The following PCDHGC4 variants were observed in gnomAD, a reference collection of about 807,000 sequenced individuals.
PCDHGC4 encodes the protein protocadherin gamma subfamily C, 4.
Under a neutral mutation model 59.7 loss-of-function variants are expected in PCDHGC4, and 15 were observed. The observed-to-expected ratio is 0.25, with a 90% CI of 0.17 to 0.39. The LOEUF (loss-of-function observed/expected upper bound fraction) is 0.39. PCDHGC4 is among the 10% of genes least tolerant of loss of function. The pLI, the probability that PCDHGC4 is intolerant of heterozygous loss-of-function variation, is 1.00. For missense variants in PCDHGC4, 1,016 were observed against 1,189.5 expected (o/e 0.85, Z 2.15); for synonymous variants, 434 against 481.4 (o/e 0.90, Z 1.29).
At chr5:141,504,236 C>A (rs1011850372) in intron 2 of PCDHGC4, among the ~76,000 whole-genome samples, 2 of 152,194 alleles carry the variant, frequency 1.3e-5, no homozygotes, top group African/African-American at 4.8e-5. Flanking sequence ...TTCTAAGAAG[C>A]AGAGAGTTCT....
intron 1 of PCDHGC4, among the ~76,000 whole-genome samples, chr5:141,494,100 G>T (rs559145191): frequency 6.6e-6 from 1 of 152,152 alleles, no homozygotes; most frequent in Non-Finnish European, 1.5e-5. Flanking sequence ...ATTTTTCTCC[G>T]TCTCAGACAG....
At chr5:141,498,709 A>G (rs1245852373) in intron 2 of PCDHGC4, among the ~76,000 whole-genome samples, 2 of 152,148 alleles carry the variant, frequency 1.3e-5, no homozygotes, top group African/African-American at 4.8e-5. Context: ...AGGTGGGTGG[A>G]TCACCTGAGG....
In PCDHGC4 at chr5:141,511,197, C is replaced by A; in HGVS notation, c.*24C>A. 1 of 1,613,140 alleles carries A rather than the reference C, an allele frequency of 6.2e-7. No individual in the cohort carries two copies. Among genetic ancestry groups the A allele is most frequent in the Non-Finnish European group, 8.5e-7 (1 of 1,179,524 alleles). Reference sequence around the variant, plus strand: ...AACATGGAGGCCAGGCCAAGAGCCACAGGGCGGCCTCTCCCCAACCAGCCC... The same window carrying A: ...AACATGGAGGCCAGGCCAAGAGCCAAAGGGCGGCCTCTCCCCAACCAGCCC... On this transcript the variant is annotated 3_prime_UTR_variant, in exon 4 of 4. Transcript: ENST00000306593.
chr5:141,511,793 G>A lies in PCDHGC4; in HGVS notation c.*620G>A, dbSNP rs2099883948. The stretch of plus-strand genomic sequence containing the variant: ...TACTGATGCTTGCTGGATTTAGGGA[G>A]GGCATTTTGCTACCAAGCCTCTTCC... On this transcript the variant is annotated 3_prime_UTR_variant, in exon 4 of 4. Coordinates refer to ENST00000306593, the MANE Select transcript of PCDHGC4 (RefSeq NM_018928.3). 6.4e-6 allele frequency: 1 copy of A among 157,066 alleles called. No homozygotes were observed. The highest frequency in any genetic ancestry group is 2.4e-5 in the African/African-American group (1 of 41,492). 9.7% of individuals were successfully genotyped at this position (157,066 alleles called of 1,614,324 possible). A position where few individuals can be genotyped will look rare whatever the true frequency, so the allele number is the denominator to read the frequency against.
In PCDHGC4 at chr5:141,489,129, T is replaced by G; in HGVS notation, c.2442+1514T>G. On this transcript the variant is annotated intron_variant, in intron 1 of 3. Coordinates refer to ENST00000306593, the MANE Select transcript of PCDHGC4 (RefSeq NM_018928.3). This position sits in a 1 kb window ranked among gnomAD's most constrained non-coding sequence, Gnocchi z 4.5. ...AAGCAGGCAAACCTCCGAGCAGTTT[T>G]TAAGAGGCTGGAAGGAGACATAAGA... 1 of 761,976 alleles carries G rather than the reference T, an allele frequency of 1.3e-6. No homozygotes were observed. The highest frequency in any genetic ancestry group is 2.0e-6 in the Non-Finnish European group (1 of 490,014). The allele number at this position is 761,976 out of a possible 1,614,324, so 47.2% of individuals were successfully genotyped here.
intron 2 of PCDHGC4, among the ~76,000 whole-genome samples, chr5:141,501,719 T>C (rs1024307894): frequency 6.6e-6 from 1 of 152,028 alleles, no homozygotes; most frequent in African/African-American, 2.4e-5. Context: ...AAAAGACAAA[T>C]ATATTACCCA....
intron 2 of PCDHGC4, among the ~76,000 whole-genome samples, chr5:141,503,855 TA>T (rs2099832899): frequency 1.3e-5 from 2 of 152,136 alleles, no homozygotes; most frequent in Non-Finnish European, 2.9e-5. Context: ...GGAAAAATTG[TA>T]AAGCAGTTCT....
At position 141,486,417 on chromosome 5, in the gene PCDHGC4, G is replaced by T. The variant is rs1298448753; in HGVS notation, c.1244G>T (p.Arg415Leu). The change falls in exon 1 of 4, where the codon CGA becomes CTA. Residue 415 changes from arginine to leucine, a missense_variant. Transcript: ENST00000306593. The surrounding 1 kb of genome is among the most constrained non-coding windows in gnomAD (Gnocchi z 5.0). ...FSLVTAGPLD[R>L]EAKSSYDIMV... ...CTGGTGACTGCTGGACCCTTGGATCGAGAGGCCAAATCTAGCTATGACATC... is the reference window on the plus strand; with the variant it reads ...CTGGTGACTGCTGGACCCTTGGATCTAGAGGCCAAATCTAGCTATGACATC... The T allele has an allele frequency of 6.2e-7, 1 of 1,614,014 alleles. No homozygotes were observed. The highest frequency in any genetic ancestry group is 1.7e-5 in the Admixed American group (1 of 60,010).
rs774505854 is a variant in PCDHGC4 at position 141,490,507 on chromosome 5, G to A, written c.2442+2892G>A. The A allele has an allele frequency of 5.6e-6, 9 of 1,613,898 alleles. No individual in the cohort carries two copies. The highest frequency in any genetic ancestry group is 4.0e-5 in the African/African-American group (3 of 74,868). ...GGAGGCCACATCCCACTATATCATC[G>A]AGCTGCTGGCCAGCGATGCTGGTTC... On this transcript the variant is annotated intron_variant, in intron 1 of 3. Transcript: ENST00000306593. This position sits in a 1 kb window ranked among gnomAD's most constrained non-coding sequence, Gnocchi z 5.4.
chr5:141,491,714 C>T lies in PCDHGC4; in HGVS notation c.2443-3093C>T, dbSNP rs1321811999. 2 of 1,608,744 alleles carry T rather than the reference C, an allele frequency of 1.2e-6. No individual in the cohort carries two copies. Among genetic ancestry groups the T allele is most frequent in the Non-Finnish European group, 1.7e-6 (2 of 1,177,916 alleles). The stretch of plus-strand genomic sequence containing the variant: ...GAGCGGAGCCAGGTGAGGGGCTCGG[C>T]GCCGCCCCGGGCGACCCCTGGGGGC... On this transcript the variant is annotated intron_variant, in intron 1 of 3. Coordinates refer to ENST00000306593, the MANE Select transcript of PCDHGC4 (RefSeq NM_018928.3). The surrounding 1 kb of genome is among the most constrained non-coding windows in gnomAD (Gnocchi z 6.9).
chr5:141,485,221 C>G lies in PCDHGC4; in HGVS notation c.48C>G (p.Thr16=). The part of the protein sequence containing the change: ...RSWTEIWRWA[T]LLFLFYHLGY... ...GGACAGAAATCTGGCGGTGGGCTACCCTTTTGTTCCTCTTTTACCACCTGG... is the reference window on the plus strand; with the variant it reads ...GGACAGAAATCTGGCGGTGGGCTACGCTTTTGTTCCTCTTTTACCACCTGG... Residue 16 remains threonine (T), a synonymous_variant, in exon 1 of 4, where the codon ACC becomes ACG. Transcript: ENST00000306593. The surrounding 1 kb of genome is among the most constrained non-coding windows in gnomAD (Gnocchi z 5.7). The G allele has an allele frequency of 6.2e-7, 1 of 1,614,118 alleles. No individual in the cohort carries two copies. Among genetic ancestry groups the G allele is most frequent in the Non-Finnish European group, 8.5e-7 (1 of 1,180,010 alleles).
At position 141,485,049 on chromosome 5, in the gene PCDHGC4, G is replaced by A; in HGVS notation, c.-125G>A. The A allele has an allele frequency of 1.3e-6, 1 of 780,438 alleles. No individual in the cohort carries two copies. 48.3% of individuals were successfully genotyped at this position (780,438 alleles called of 1,614,324 possible). ...AACGGCGCGTAACCCTTGCGGCGCC[G>A]GCCGAACCGCGCCAGAGCTGGCGCG... On this transcript the variant is annotated 5_prime_UTR_variant, in exon 1 of 4. Coordinates refer to ENST00000306593, the MANE Select transcript of PCDHGC4 (RefSeq NM_018928.3). This position sits in a 1 kb window ranked among gnomAD's most constrained non-coding sequence, Gnocchi z 5.7.
intron 3 of PCDHGC4, among the ~76,000 whole-genome samples, chr5:141,510,230 G>A (rs1285202719): frequency 2.7e-5 from 4 of 149,638 alleles, no homozygotes; most frequent in Non-Finnish European, 5.9e-5. Context: ...CCGGGATCGC[G>A]CCACTGCACT....
In PCDHGC4 at chr5:141,491,908, G is replaced by T; in HGVS notation, c.2443-2899G>T. ...GGGGCTCCGAGCACCGGGGGTGGTG[G>T]CGACTGTGGGCGAGGGGAGGTGGGA... On this transcript the variant is annotated intron_variant, in intron 1 of 3. Transcript: ENST00000306593. The surrounding 1 kb of genome is among the most constrained non-coding windows in gnomAD (Gnocchi z 6.9). 7.1e-7 allele frequency: 1 copy of T among 1,408,288 alleles called. No homozygotes were observed. Among genetic ancestry groups the T allele is most frequent in the Non-Finnish European group, 9.4e-7 (1 of 1,060,836 alleles). The allele number at this position is 1,408,288 out of a possible 1,614,324, so 87.2% of individuals were successfully genotyped here. A position where few individuals can be genotyped will look rare whatever the true frequency, so the allele number is the denominator to read the frequency against.
chr5:141,492,575 C>T (rs1213639439), intron 1 of PCDHGC4, among the ~76,000 whole-genome samples: 1 of 152,218 alleles, frequency 6.6e-6, no homozygotes, highest in South Asian at 2.1e-4. Flanking sequence ...GAGCGAGGCG[C>T]GGGGCCAGGA....
In PCDHGC4 at chr5:141,510,980, G is replaced by A; in HGVS notation, c.2624G>A (p.Gly875Asp). The change falls in exon 4 of 4, where the codon GGT becomes GAT. Residue 875 changes from glycine (G) to aspartate (D), a missense_variant. Transcript: ENST00000306593. ...AADGSSTLGGGAGTMGLSARY... is the reference protein window; with the variant it reads ...AADGSSTLGGDAGTMGLSARY... ...GATGGGAGCTCCACCCTGGGAGGGG[G>A]TGCCGGCACCATGGGATTGAGCGCC... 1 of 1,614,170 alleles carries A rather than the reference G, an allele frequency of 6.2e-7. No homozygotes were observed.
chr5:141,485,151 T>G lies in PCDHGC4; in HGVS notation c.-23T>G. The G allele has an allele frequency of 2.5e-6, 4 of 1,584,876 alleles. No individual in the cohort carries two copies. Among genetic ancestry groups the G allele is most frequent in the Non-Finnish European group, 3.5e-6 (4 of 1,156,528 alleles). ...GCTTCATCCGCGTCTCAGGAGCAAG[T>G]AGAGAATTAGCGGGCGGCAGCAATG... On this transcript the variant is annotated 5_prime_UTR_variant, in exon 1 of 4. Coordinates refer to ENST00000306593, the MANE Select transcript of PCDHGC4 (RefSeq NM_018928.3). The surrounding 1 kb of genome is among the most constrained non-coding windows in gnomAD (Gnocchi z 5.7).
In PCDHGC4 at chr5:141,491,424, G is replaced by A. The variant is rs745755214; in HGVS notation, c.2443-3383G>A. The A allele has an allele frequency of 6.2e-7, 1 of 1,614,092 alleles. No individual in the cohort carries two copies. Among genetic ancestry groups the A allele is most frequent in the Non-Finnish European group, 8.5e-7 (1 of 1,180,028 alleles). ...ACGCAGACGGGGACGGGGGTGGAGG[G>A]CAGTGCTGCAGGCGCCAGGACTCAC... On this transcript the variant is annotated intron_variant, in intron 1 of 3. Coordinates refer to ENST00000306593, the MANE Select transcript of PCDHGC4 (RefSeq NM_018928.3). The surrounding 1 kb of genome is among the most constrained non-coding windows in gnomAD (Gnocchi z 6.9).
At chr5:141,502,666 T>C (rs962424461) in intron 2 of PCDHGC4, among the ~76,000 whole-genome samples, 10 of 152,234 alleles carry the variant, frequency 6.6e-5, no homozygotes, top group African/African-American at 2.2e-4. Context: ...CTTCATGCAA[T>C]TTTAGTATTC....
Sources: gnomAD v4.1 joint callset for allele counts (sites outside exome capture counted in the v4.1 genomes callset) on GRCh38, gnomAD v4.1.1 for gene constraint, Gnocchi (gnomAD v3.1) non-coding constraint, MANE v1.5 for transcripts, NCBI Gene and HGNC (gene_info 2026-07-23, HGNC 2026-07-21) for gene names.